The following ACYP2 variants were observed in gnomAD, a reference collection of about 807,000 sequenced individuals.
ACYP2 encodes acylphosphatase 2.
Under a neutral mutation model 11.2 loss-of-function variants are expected in ACYP2, and 12 were observed. The ratio of observed to expected loss-of-function variants is 1.08; its 90% confidence interval spans 0.69 to 1.74. The LOEUF (loss-of-function observed/expected upper bound fraction) is 1.74, where lower values mean the gene tolerates loss of function less well. ACYP2 is among the 40% of genes most tolerant of loss of function. ACYP2 has a pLI of 0.00. For missense variants in ACYP2, 134 were observed against 101.9 expected (o/e 1.31, Z -1.35); for synonymous variants, 43 against 32.2 (o/e 1.33, Z -1.13).
intron 4 of ACYP2, among the ~76,000 whole-genome samples, chr2:54,077,820 T>G (rs1677427390): frequency 6.6e-6 from 1 of 152,244 alleles, no homozygotes; most frequent in South Asian, 2.1e-4. Flanking sequence ...CCAAGTCTTC[T>G]GTGTCCTGGC....
intron 6 of ACYP2, among the ~76,000 whole-genome samples, chr2:54,155,992 G>A (rs1453438072): frequency 6.6e-6 from 1 of 151,794 alleles, no homozygotes; most frequent in Admixed American, 6.6e-5. Context: ...ATATAATAAA[G>A]GTATATATTT....
chr2:54,185,623 G>A (rs1683949251), intron 6 of ACYP2, among the ~76,000 whole-genome samples: 2 of 152,042 alleles, frequency 1.3e-5, no homozygotes, highest in African/African-American at 4.8e-5. Context: ...ACAGATATTG[G>A]CCAGTTAGGT....
At chr2:53,990,785 G>A (rs904837705) in intron 2 of ACYP2, among the ~76,000 whole-genome samples, 36 of 147,632 alleles carry the variant, frequency 2.4e-4, no homozygotes, top group African/African-American at 6.4e-4. Flanking sequence ...AAGAATTTGC[G>A]TTTTTTTTTT....
chr2:54,053,203 C>T (rs929773856), intron 3 of ACYP2, among the ~76,000 whole-genome samples: 3 of 152,170 alleles, frequency 2.0e-5, no homozygotes, highest in Admixed American at 6.5e-5. Context: ...TGGCAGAGTG[C>T]GGTTAGGAGA....
At chr2:54,223,193 C>G (rs1685871139) in intron 6 of ACYP2, 1 of 152,132 alleles carries the variant, frequency 6.6e-6, no homozygotes, top group Non-Finnish European at 1.5e-5. Flanking sequence ...CCCCATTTAG[C>G]TCAATTTTAA....
intron 5 of ACYP2, among the ~76,000 whole-genome samples, chr2:54,136,204 A>AT (rs140413294): frequency 0.067 from 10,176 of 152,104 alleles, 515 homozygotes; most frequent in East Asian, 0.3. Flanking sequence ...CAGCCAAGCT[A>AT]ATTTTTTTTA....
rs149647208 is a variant in ACYP2 at position 54,058,093 on chromosome 2, C to G, written c.277+733C>G. 2.4e-4 allele frequency among the ~76,000 whole-genome samples: 37 copies of G among 152,184 alleles called. No individual in the cohort carries two copies. The East Asian group carries it at 6.7e-3, about 28-fold the overall frequency. On this transcript the variant is annotated intron_variant, in intron 4 of 6. Coordinates refer to ENST00000607452, the MANE Select transcript of ACYP2 (RefSeq NM_001320586.2). ...CCTGAGGGAGGTAGGGCATATGAAGCAATGATTGGTCTCTTCCTAAATTTA... is the reference window on the plus strand; with the variant it reads ...CCTGAGGGAGGTAGGGCATATGAAGGAATGATTGGTCTCTTCCTAAATTTA...
At chr2:54,277,973 A>T (rs372811880) in intron 6 of ACYP2, among the ~76,000 whole-genome samples, 60 of 152,098 alleles carry the variant, frequency 3.9e-4, no homozygotes, top group East Asian at 9.7e-4. Context: ...TTAATTAATT[A>T]ATTTATTTAT....
chr2:54,153,463 T>TTTG (rs1682280800), intron 6 of ACYP2, among the ~76,000 whole-genome samples: 1 of 151,062 alleles, frequency 6.6e-6, no homozygotes, highest in African/African-American at 2.4e-5. Context: ...ACTTAGGGTT[T>TTTG]TTTTTTTTTT....
At position 54,032,804 on chromosome 2, in the gene ACYP2, G is replaced by C. The variant is rs139390185; in HGVS notation, c.63-18154G>C. Among the ~76,000 whole-genome samples, 484 of 152,218 alleles carry C rather than the reference G, an allele frequency of 3.2e-3. 5 individuals are homozygous for C. The highest frequency in any genetic ancestry group is 0.011 in the African/African-American group (464 of 41,542). ...TCTTCAAGGAGAACTACAAACCACT[G>C]TTCGATGAAATAAAAGAGAACACAA... On this transcript the variant is annotated intron_variant, in intron 2 of 6. Coordinates refer to ENST00000607452, the MANE Select transcript of ACYP2 (RefSeq NM_001320586.2).
chr2:54,075,623 G>A (rs1391414865), intron 4 of ACYP2, among the ~76,000 whole-genome samples: 1 of 151,992 alleles, frequency 6.6e-6, no homozygotes, highest in Non-Finnish European at 1.5e-5. Flanking sequence ...GACCAGCGTG[G>A]CCAATATGGT....
rs578011595 is a variant in ACYP2 at position 54,140,050 on chromosome 2, G to A, written c.404+1302G>A. Among the ~76,000 whole-genome samples the A allele has an allele frequency of 1.8e-4, 28 of 152,220 alleles. No homozygotes were observed. The South Asian group carries it at 5.2e-3, about 28-fold the overall frequency. Reference sequence around the variant, plus strand: ...TTTACGTGCATACTTGTGTTTGTGTGTAAAACTACACCTCAAATTGAAAAG... The same window carrying A: ...TTTACGTGCATACTTGTGTTTGTGTATAAAACTACACCTCAAATTGAAAAG... On this transcript the variant is annotated intron_variant, in intron 6 of 6. Transcript: ENST00000607452.
chr2:54,295,548 C>G (rs1689488618), intron 6 of ACYP2, among the ~76,000 whole-genome samples: 1 of 152,116 alleles, frequency 6.6e-6, no homozygotes, highest in South Asian at 2.1e-4. Flanking sequence ...CGCATGGAAG[C>G]TGTAGACCTG....
chr2:54,049,230 C>A (rs1377186793), intron 2 of ACYP2, among the ~76,000 whole-genome samples: 4 of 152,006 alleles, frequency 2.6e-5, no homozygotes, highest in African/African-American at 9.7e-5. Context: ...CACTGCACTC[C>A]AGCCTGAGTG....
In ACYP2 at chr2:54,209,822, A is replaced by C. The variant is rs539237958; in HGVS notation, c.404+71074A>C. ...ATAAAGCAGAAGCAAGGATGGAAAAAAACTTACTTTGCAATCAATAAATAA... is the reference window on the plus strand; with the variant it reads ...ATAAAGCAGAAGCAAGGATGGAAAACAACTTACTTTGCAATCAATAAATAA... On this transcript the variant is annotated intron_variant, in intron 6 of 6. Coordinates refer to ENST00000607452, the MANE Select transcript of ACYP2 (RefSeq NM_001320586.2). 2.9e-3 allele frequency among the ~76,000 whole-genome samples: 444 copies of C among 151,942 alleles called. 3 individuals carry two copies. Among genetic ancestry groups the C allele is most frequent in the Non-Finnish European group, 5.0e-3 (337 of 67,928 alleles).
chr2:54,036,987 T>C (rs978382785), intron 2 of ACYP2, among the ~76,000 whole-genome samples: 1 of 152,212 alleles, frequency 6.6e-6, no homozygotes, highest in Admixed American at 6.5e-5. Flanking sequence ...CTTAGAGTTG[T>C]GTGAAGTAAT....
At chr2:54,237,980 T>C (rs919855172) in intron 6 of ACYP2, among the ~76,000 whole-genome samples, 2 of 152,162 alleles carry the variant, frequency 1.3e-5, no homozygotes, top group Admixed American at 1.3e-4. Context: ...TTTTCTAACA[T>C]GCCAAGCATG....
intron 6 of ACYP2, among the ~76,000 whole-genome samples, chr2:54,304,256 ATATG>A (rs1191264093): frequency 1.3e-5 from 2 of 151,590 alleles, no homozygotes; most frequent in Non-Finnish European, 2.9e-5. Context: ...GTGTAGAGAT[ATATG>A]TATCTCTCTA....
chr2:54,004,909 A>AAAAAAC (rs1672986218), intron 2 of ACYP2, among the ~76,000 whole-genome samples: 3 of 140,366 alleles, frequency 2.1e-5, no homozygotes, highest in African/African-American at 7.9e-5. Flanking sequence ...AAAAAAAAAA[A>AAAAAAC]AAAAAACAAA....
Sources: gnomAD v4.1 joint callset for allele counts (sites outside exome capture counted in the v4.1 genomes callset) on GRCh38, gnomAD v4.1.1 for gene constraint, MANE v1.5 for transcripts, NCBI Gene and HGNC (gene_info 2026-07-23, HGNC 2026-07-21) for gene names.